SERPINB8: variants seen among roughly 807,000 people sequenced by gnomAD.
The protein encoded by SERPINB8 is serpin family B member 8.
SERPINB8 carries 25 observed loss-of-function variants against 35.3 expected under a neutral mutation model. The observed-to-expected ratio is 0.71, with a 90% CI of 0.52 to 0.99. The LOEUF (loss-of-function observed/expected upper bound fraction) is 0.99, where lower values mean the gene tolerates loss of function less well. Among genes scored for constraint, SERPINB8 ranks in the 50% least tolerant of loss-of-function variants. The pLI is 0.00. For synonymous variants in SERPINB8, 186 were observed against 160.8 expected (o/e 1.16, Z -1.19); for missense variants, 484 against 446.5 (o/e 1.08, Z -0.76).
intron 3 of SERPINB8, among the ~76,000 whole-genome samples, chr18:63,980,711 C>T (rs1568272955): frequency 6.6e-6 from 1 of 152,226 alleles, no homozygotes; most frequent in Non-Finnish European, 1.5e-5. Flanking sequence ...GAACATCAGC[C>T]TGATCTACTA....
At chr18:64,002,851 T>C (rs2050882518) in intron 1 of SERPINB8, among the ~76,000 whole-genome samples, 1 of 151,872 alleles carries the variant, frequency 6.6e-6, no homozygotes, top group African/African-American at 2.4e-5. Flanking sequence ...GTCGCCGCCG[T>C]CTGTGGTCGC....
chr18:64,005,998 G>T (rs2050898288), downstream of SERPINB8, among the ~76,000 whole-genome samples: 1 of 152,178 alleles, frequency 6.6e-6, no homozygotes, highest in South Asian at 2.1e-4. Flanking sequence ...CTTCCTTGAT[G>T]ATTTTTGAAA....
chr18:64,016,392 C>T (rs1298823099), intron 7 of SERPINB8, among the ~76,000 whole-genome samples: 1 of 152,138 alleles, frequency 6.6e-6, no homozygotes, highest in African/African-American at 2.4e-5. Context: ...TGATATAATT[C>T]TTCAATGCAG....
chr18:63,990,979 T>G (rs887252785), downstream of SERPINB8, among the ~76,000 whole-genome samples: 1 of 152,238 alleles, frequency 6.6e-6, no homozygotes, highest in Non-Finnish European at 1.5e-5. Flanking sequence ...GAAAATGCTA[T>G]CCATTTTCCA....
chr18:63,995,203 C>T (rs1190859321), intron 1 of SERPINB8, among the ~76,000 whole-genome samples: 1 of 152,136 alleles, frequency 6.6e-6, no homozygotes, highest in Non-Finnish European at 1.5e-5. Context: ...CTGGAGATGA[C>T]TTGAAGAGCC....
intron 5 of SERPINB8, among the ~76,000 whole-genome samples, chr18:63,983,995 C>G (rs1176212151): frequency 6.6e-6 from 1 of 152,118 alleles, no homozygotes; most frequent in Non-Finnish European, 1.5e-5. Flanking sequence ...TACAGGTGCA[C>G]ACCACCAGGC....
downstream of SERPINB8, among the ~76,000 whole-genome samples, chr18:63,989,954 A>C (rs1264160577): frequency 3.4e-5 from 5 of 149,058 alleles, no homozygotes; most frequent in South Asian, 2.1e-4. Flanking sequence ...AAAAAAAAAA[A>C]AAAAAAAAAA....
intron 7 of SERPINB8, among the ~76,000 whole-genome samples, chr18:64,011,557 T>C (rs2050925939): frequency 6.6e-6 from 1 of 152,188 alleles, no homozygotes; most frequent in Non-Finnish European, 1.5e-5. Context: ...ATTATCAGTG[T>C]CCATACAAGT....
exon 2 of SERPINB8, chr18:64,004,860 C>T (rs538569033): frequency 6.0e-5 from 24 of 398,376 alleles, no homozygotes; most frequent in Non-Finnish European, 9.7e-5. Context: ...ACATTCTTGC[C>T]AACATTATCA....
At chr18:63,994,004 A>C (rs1214430259), downstream of SERPINB8, among the ~76,000 whole-genome samples, 2 of 152,004 alleles carry the variant, frequency 1.3e-5, no homozygotes, top group Non-Finnish European at 2.9e-5. Context: ...ACTCTCTTGC[A>C]CTCAAGCTCA....
intron 1 of SERPINB8, among the ~76,000 whole-genome samples, chr18:63,973,791 G>A (rs1329975504): frequency 1.3e-5 from 2 of 152,154 alleles, no homozygotes; most frequent in East Asian, 3.9e-4. Flanking sequence ...AAGATCAGAT[G>A]GTTGTAGATG....
At chr18:63,981,881 C>T (rs767772524) in intron 4 of SERPINB8, 43 bp downstream of exon 4, 49 of 1,411,200 alleles carry the variant, frequency 3.5e-5, no homozygotes, top group Middle Eastern at 3.5e-4. Context: ...TACTATACAA[C>T]GAGGCTTAGA....
chr18:64,003,233 C>T (rs1444952133), intron 1 of SERPINB8, among the ~76,000 whole-genome samples: 4 of 152,080 alleles, frequency 2.6e-5, no homozygotes, highest in Non-Finnish European at 4.4e-5. Flanking sequence ...TTGGGGCCAC[C>T]GGGACTGATT....
intron 1 of SERPINB8, among the ~76,000 whole-genome samples, chr18:63,977,190 A>G (rs1424015642): frequency 6.6e-6 from 1 of 152,176 alleles, no homozygotes; most frequent in African/African-American, 2.4e-5. Context: ...GGCGTTTATG[A>G]CTACCTGAGG....
At chr18:64,002,347 T>C (rs975256613) in intron 1 of SERPINB8, among the ~76,000 whole-genome samples, 8 of 152,146 alleles carry the variant, frequency 5.3e-5, no homozygotes, top group Admixed American at 6.5e-5. Flanking sequence ...GAGTCCCTGA[T>C]ACATGTAAGA....
chr18:64,004,779 C>T (rs2050892249), intron 1 of SERPINB8: 1 of 398,418 alleles, frequency 2.5e-6, no homozygotes. Flanking sequence ...GTCATTATCT[C>T]CAAGAATGTA....
chr18:64,017,766 A>G (rs750959181), intron 7 of SERPINB8, among the ~76,000 whole-genome samples: 2 of 152,232 alleles, frequency 1.3e-5, no homozygotes, highest in Non-Finnish European at 2.9e-5. Flanking sequence ...GTGCTGAATC[A>G]CATTGCACAC....
chr18:63,972,954 T>C (rs1168333732), intron 1 of SERPINB8, among the ~76,000 whole-genome samples: 1 of 152,242 alleles, frequency 6.6e-6, no homozygotes, highest in Non-Finnish European at 1.5e-5. Flanking sequence ...TAAACATACA[T>C]GTGCATGTGT....
chr18:63,987,705 G>T lies in SERPINB8; in HGVS notation c.*427G>T, dbSNP rs1268204099. 1 of 160,326 alleles carries T rather than the reference G, an allele frequency of 6.2e-6. No individual in the cohort carries two copies. The highest frequency in any genetic ancestry group is 1.8e-4 in the East Asian group (1 of 5,444). 9.9% of individuals were successfully genotyped at this position (160,326 alleles called of 1,614,324 possible). A position where few individuals can be genotyped will look rare whatever the true frequency, so the allele number is the denominator to read the frequency against. On this transcript the variant is annotated 3_prime_UTR_variant, in exon 7 of 7. Coordinates refer to ENST00000397985, the MANE Select transcript of SERPINB8 (RefSeq NM_002640.4). The stretch of plus-strand genomic sequence containing the variant: ...AGGGCAAACCCTATAGAGTAAAGCT[G>T]CAGCCACCCTGTGTCTCATGTGCAG...
Sources: gnomAD v4.1 joint callset for allele counts (sites outside exome capture counted in the v4.1 genomes callset) on GRCh38, gnomAD v4.1.1 for gene constraint, MANE v1.5 for transcripts, NCBI Gene and HGNC (gene_info 2026-07-23, HGNC 2026-07-21) for gene names.